The following CSMD1 variants were observed in gnomAD, a reference collection of about 807,000 sequenced individuals.
The protein encoded by CSMD1 is CUB and Sushi multiple domains 1, also known as CUB and sushi domain-containing protein 1.
Under a neutral mutation model 417.5 loss-of-function variants are expected in CSMD1, and 213 were observed. That is an observed-to-expected ratio of 0.51 (90% CI 0.46 to 0.57). The LOEUF (loss-of-function observed/expected upper bound fraction) is 0.57. CSMD1 is among the 20% of genes least tolerant of loss of function. The probability of loss-of-function intolerance (pLI) is 0.00; values close to 1 mark genes in which losing one functional copy is unlikely to be tolerated. For missense variants in CSMD1, 6,923 were observed against 4,529.7 expected (o/e 1.53, Z -15.17); for synonymous variants, 2,862 against 1,736.8 (o/e 1.65, Z -16.11).
intron 49 of CSMD1, among the ~76,000 whole-genome samples, chr8:3,069,861 T>G (rs775628551): frequency 1.3e-5 from 2 of 152,220 alleles, no homozygotes. Context: ...TGCAACAGGC[T>G]TCTGCCTGGA....
chr8:4,342,832 G>C (rs1342936677), intron 3 of CSMD1, among the ~76,000 whole-genome samples: 1 of 151,976 alleles, frequency 6.6e-6, no homozygotes, highest in East Asian at 1.9e-4. Context: ...CAAAGAAAAA[G>C]CAGGAAGTGA....
At position 4,959,889 on chromosome 8, in the gene CSMD1, A is replaced by G. The variant is rs189497110; in HGVS notation, c.85+34443T>C. Among the ~76,000 whole-genome samples the G allele has an allele frequency of 5.2e-3, 790 of 152,322 alleles. 7 individuals carry two copies. Among genetic ancestry groups the G allele is most frequent in the African/African-American group, 0.018 (758 of 41,584 alleles). ...TCTCAATGAGGTGAACTCCCTCATT[A>G]GAATTGCAACAACAATCTTCCCTAT... On this transcript the variant is annotated intron_variant, in intron 1 of 69. Transcript: ENST00000635120.
At chr8:4,354,520 C>G (rs1387839191) in intron 3 of CSMD1, among the ~76,000 whole-genome samples, 1 of 152,096 alleles carries the variant, frequency 6.6e-6, no homozygotes, top group Non-Finnish European at 1.5e-5. Flanking sequence ...TGTTTAATCA[C>G]TTGATGTTGT....
At chr8:3,639,731 T>C (rs545180306) in intron 7 of CSMD1, among the ~76,000 whole-genome samples, 26 of 152,344 alleles carry the variant, frequency 1.7e-4, no homozygotes, top group African/African-American at 6.3e-4. Context: ...CAATGATTTT[T>C]CTTTTGCATT....
intron 3 of CSMD1, among the ~76,000 whole-genome samples, chr8:4,085,943 C>T (rs1800396050): frequency 6.6e-6 from 1 of 152,030 alleles, no homozygotes; most frequent in Admixed American, 6.6e-5. Flanking sequence ...TGTATTATTT[C>T]TTACAAGTGC....
At chr8:2,947,298 G>A (rs1408723655) in intron 68 of CSMD1, among the ~76,000 whole-genome samples, 1 of 152,016 alleles carries the variant, frequency 6.6e-6, no homozygotes, top group Admixed American at 6.6e-5. Context: ...TGACAATCAC[G>A]TTTTTTGGTT....
intron 24 of CSMD1, 107 bp from the exon 25 acceptor site, chr8:3,307,928 G>A: frequency 4.9e-6 from 6 of 1,218,786 alleles, no homozygotes; most frequent in Non-Finnish European, 6.8e-6. Context: ...TATACATAGA[G>A]AAAAAGAATC....
In CSMD1 at chr8:3,508,726, T is replaced by C. The variant is rs184585606; in HGVS notation, c.1345-15000A>G. Among the ~76,000 whole-genome samples, 15 of 152,186 alleles carry C rather than the reference T, an allele frequency of 9.9e-5. No homozygotes were observed. In the East Asian group the frequency reaches 2.7e-3, roughly 28 times the overall value. On this transcript the variant is annotated intron_variant, in intron 10 of 69. Transcript: ENST00000635120. The stretch of plus-strand genomic sequence containing the variant: ...TTTTATGTCATGAATATTTTAAAAT[T>C]TAAAACAAATAAAATTATCATTCTA...
chr8:4,045,336 G>A (rs1262551160), intron 3 of CSMD1, among the ~76,000 whole-genome samples: 1 of 152,178 alleles, frequency 6.6e-6, no homozygotes, highest in South Asian at 2.1e-4. Context: ...ACCATCAATT[G>A]TGTATGATAT....
chr8:4,851,151 C>T (rs1801454545), intron 1 of CSMD1, among the ~76,000 whole-genome samples: 2 of 139,730 alleles, frequency 1.4e-5, no homozygotes, highest in African/African-American at 2.6e-5. Flanking sequence ...TTCCTGTGTC[C>T]ATGTGTTATT....
intron 5 of CSMD1, among the ~76,000 whole-genome samples, chr8:3,790,006 C>G (rs781159387): frequency 2.6e-5 from 4 of 152,150 alleles, no homozygotes; most frequent in Admixed American, 6.5e-5. Context: ...GCTGGGATTA[C>G]AGGCGTAAGC....
chr8:3,071,877 G>A (rs946758217), intron 49 of CSMD1, among the ~76,000 whole-genome samples: 5 of 152,112 alleles, frequency 3.3e-5, no homozygotes, highest in South Asian at 4.1e-4. Context: ...ACAGAACACT[G>A]CACCATGTGC....
At chr8:3,670,927 TG>T (rs1798986336) in intron 7 of CSMD1, among the ~76,000 whole-genome samples, 1 of 147,294 alleles carries the variant, frequency 6.8e-6, no homozygotes, top group Admixed American at 6.9e-5. Flanking sequence ...TATATGTATA[TG>T]GGATATATAT....
chr8:3,708,091 G>A (rs111885776), intron 7 of CSMD1, among the ~76,000 whole-genome samples: 24 of 152,268 alleles, frequency 1.6e-4, no homozygotes, highest in African/African-American at 5.5e-4. Context: ...GGTGTGTGTG[G>A]GGTGTGCAAG....
Position 3,331,095 on chromosome 8 carries a change from T to G in CSMD1, c.3631+12199A>C, listed in dbSNP as rs1032107765. ...CTACTAAAAATACAAAAAATTAGCC[T>G]GGCGTGGTGGCGGGTGCCTGTAGTC... On this transcript the variant is annotated intron_variant, in intron 23 of 69. Coordinates refer to ENST00000635120, the MANE Select transcript of CSMD1 (RefSeq NM_033225.6). Among the ~76,000 whole-genome samples, 15 of 151,958 alleles carry G rather than the reference T, an allele frequency of 9.9e-5. No individual in the cohort carries two copies. In the South Asian group the frequency reaches 1.5e-3, roughly 15 times the overall value.
At chr8:4,275,209 G>T (rs118153060) in intron 3 of CSMD1, among the ~76,000 whole-genome samples, 3 of 151,952 alleles carry the variant, frequency 2.0e-5, no homozygotes, top group Non-Finnish European at 2.9e-5. Flanking sequence ...ATAAATTATT[G>T]TCTAGTTTGT....
At chr8:4,025,682 A>C (rs1179286028) in intron 4 of CSMD1, among the ~76,000 whole-genome samples, 1 of 152,196 alleles carries the variant, frequency 6.6e-6, no homozygotes, top group Non-Finnish European at 1.5e-5. Flanking sequence ...GAAAGACTCA[A>C]GAATAACGAA....
At chr8:4,740,406 T>C (rs982589931) in intron 1 of CSMD1, among the ~76,000 whole-genome samples, 1 of 152,098 alleles carries the variant, frequency 6.6e-6, no homozygotes, top group Non-Finnish European at 1.5e-5. Context: ...GCAGCCTCTA[T>C]TTTTTTCTTG....
chr8:3,197,718 C>G (rs1334054214), intron 33 of CSMD1, among the ~76,000 whole-genome samples: 25 of 152,128 alleles, frequency 1.6e-4, no homozygotes, highest in Admixed American at 1.6e-3. Context: ...CCCGCCTCGG[C>G]CTCCCAAAGT....
Sources: allele counts gnomAD v4.1 joint callset (sites outside exome capture counted in the v4.1 genomes callset), GRCh38; gene constraint gnomAD v4.1.1; transcripts MANE v1.5; gene names NCBI Gene and HGNC (gene_info 2026-07-23, HGNC 2026-07-21).